The following YPEL1 variants were observed in gnomAD, a reference collection of about 807,000 sequenced individuals.
YPEL1 encodes the protein yippee like 1, also known as protein yippee-like 1.
Under a neutral mutation model 17.3 loss-of-function variants are expected in YPEL1, and 7 were observed. The observed-to-expected ratio is 0.40, with a 90% confidence interval of 0.23 to 0.76. The LOEUF (loss-of-function observed/expected upper bound fraction) is 0.76. Among genes scored for constraint, YPEL1 ranks in the 30% least tolerant of loss-of-function variants. YPEL1 has a pLI of 0.35. For synonymous variants in YPEL1, 59 were observed against 59.6 expected (o/e 0.99, Z 0.05); for missense variants, 91 against 155.5 (o/e 0.59, Z 2.21).
intron 1 of YPEL1, among the ~76,000 whole-genome samples, chr22:21,720,364 C>T (rs2068269371): frequency 6.6e-6 from 1 of 151,828 alleles, no homozygotes; most frequent in Non-Finnish European, 1.5e-5. Flanking sequence ...GCCACCACGC[C>T]TGGCTAATTT....
chr22:21,721,470 C>T (rs1462111206), intron 1 of YPEL1, among the ~76,000 whole-genome samples: 1 of 150,656 alleles, frequency 6.6e-6, no homozygotes, highest in Non-Finnish European at 1.5e-5. Context: ...GTCACTCAGG[C>T]TGGAGTACAG....
chr22:21,711,001 G>A (rs2845458), intron 1 of YPEL1, 93 bp from the exon 2 acceptor site: 62,853 of 423,030 alleles, frequency 0.15, 5,420 homozygotes, highest in Non-Finnish European at 0.17. Context: ...AGCAACACGC[G>A]GGGTGGGGGG....
chr22:21,723,900 C>T (rs953067990), intron 1 of YPEL1, among the ~76,000 whole-genome samples: 2 of 152,026 alleles, frequency 1.3e-5, no homozygotes, highest in Non-Finnish European at 2.9e-5. Flanking sequence ...CTCCTGACCT[C>T]AGGTGATCCA....
At chr22:21,722,930 A>G (rs988920856) in intron 1 of YPEL1, 1 of 143,926 alleles carries the variant, frequency 6.9e-6, no homozygotes, top group African/African-American at 2.6e-5. Flanking sequence ...TGCAGTGGCT[A>G]TTTACAGGCA....
At position 21,735,736 on chromosome 22, in the gene YPEL1, A is replaced by T. The variant is rs2068431076; in HGVS notation, c.-286T>A. 2 of 150,692 alleles carry T rather than the reference A, an allele frequency of 1.3e-5. No individual in the cohort carries two copies. 9.3% of individuals were successfully genotyped at this position (150,692 alleles called of 1,614,324 possible). A position where few individuals can be genotyped will look rare whatever the true frequency, so the allele number is the denominator to read the frequency against. ...GGACGCGCTGAGGCCGTTAACGCCT[A>T]GGCAGGGCGCGAGGCATCCTCCCGC... On this transcript the variant is annotated 5_prime_UTR_variant, in exon 1 of 5. Transcript: ENST00000339468.
chr22:21,711,010 G>A, intron 1 of YPEL1, 102 bp from the exon 2 acceptor site: 1 of 403,742 alleles, frequency 2.5e-6, no homozygotes. Context: ...CGGGGTGGGG[G>A]GGTGGCAGGA....
At chr22:21,720,767 A>C (rs2068273398) in intron 1 of YPEL1, among the ~76,000 whole-genome samples, 1 of 149,616 alleles carries the variant, frequency 6.7e-6, no homozygotes, top group Non-Finnish European at 1.5e-5. Context: ...ACGGCTTCCC[A>C]AAGTGCTGGG....
At chr22:21,710,261 A>T (rs73384115) in intron 2 of YPEL1, among the ~76,000 whole-genome samples, 2,284 of 152,260 alleles carry the variant, frequency 0.015, 22 homozygotes, top group South Asian at 0.037. Context: ...CTGAGTTTTT[A>T]AAATGTCTTA....
intron 1 of YPEL1, among the ~76,000 whole-genome samples, chr22:21,716,845 G>A (rs1421741262): frequency 6.6e-6 from 1 of 152,206 alleles, no homozygotes; most frequent in African/African-American, 2.4e-5. Context: ...TCAAAGACCT[G>A]AGGCAGACCA....
intron 2 of YPEL1, among the ~76,000 whole-genome samples, chr22:21,706,389 C>A (rs921485229): frequency 3.3e-5 from 5 of 149,484 alleles, no homozygotes; most frequent in Non-Finnish European, 5.9e-5. Context: ...GAGCCGAGAT[C>A]GCGCCACTGC....
At chr22:21,704,691 G>C (rs1391280993) in intron 2 of YPEL1, among the ~76,000 whole-genome samples, 1 of 144,062 alleles carries the variant, frequency 6.9e-6, no homozygotes, top group Non-Finnish European at 1.5e-5. Flanking sequence ...CATAGCACAA[G>C]ATGGCCTTTC....
At chr22:21,713,083 C>T (rs540698543) in intron 1 of YPEL1, among the ~76,000 whole-genome samples, 11 of 152,142 alleles carry the variant, frequency 7.2e-5, no homozygotes, top group Non-Finnish European at 1.0e-4. Flanking sequence ...CCCTCTAGGA[C>T]GGCTACTATC....
chr22:21,718,128 C>A (rs78519006), intron 1 of YPEL1, among the ~76,000 whole-genome samples: 233 of 130,330 alleles, frequency 1.8e-3, no homozygotes, highest in South Asian at 2.7e-3. Context: ...GACTCTGTCT[C>A]AAAAAAAAAA....
intron 2 of YPEL1, among the ~76,000 whole-genome samples, chr22:21,705,332 G>GT (rs2068105130): frequency 1.3e-5 from 2 of 152,168 alleles, no homozygotes; most frequent in East Asian, 3.9e-4. Flanking sequence ...AGGTGAGCTG[G>GT]TAAGAGATGC....
chr22:21,734,176 T>TGCCACTGCACTCCATCCTGA (rs1380697288), intron 1 of YPEL1, among the ~76,000 whole-genome samples: 2 of 152,184 alleles, frequency 1.3e-5, no homozygotes, highest in African/African-American at 4.8e-5. Flanking sequence ...GTCGTGTTTG[T>TGCCACTGCACTCCATCCTGA]GCCACTGCAC....
At chr22:21,723,692 T>TAA (rs1281305780) in intron 1 of YPEL1, among the ~76,000 whole-genome samples, 1 of 148,926 alleles carries the variant, frequency 6.7e-6, no homozygotes, top group Non-Finnish European at 1.5e-5. Flanking sequence ...TTTAATTAAT[T>TAA]TTTTTTTTTT....
At chr22:21,731,963 C>T (rs922749983) in intron 1 of YPEL1, among the ~76,000 whole-genome samples, 2 of 152,180 alleles carry the variant, frequency 1.3e-5, no homozygotes, top group Admixed American at 6.5e-5. Context: ...TCAGCAAGCA[C>T]CTCACAAGCC....
At chr22:21,724,945 C>T (rs1368571542) in intron 1 of YPEL1, among the ~76,000 whole-genome samples, 2 of 147,684 alleles carry the variant, frequency 1.4e-5, no homozygotes, top group African/African-American at 5.0e-5. Flanking sequence ...TTCGCTCTTT[C>T]CGCCCAGGCT....
rs1206261013 is a variant in YPEL1, at chr22:21,698,902, A to C, written c.*2227T>G. 1 of 152,474 alleles carries C rather than the reference A, an allele frequency of 6.6e-6. No individual in the cohort carries two copies. The highest frequency in any genetic ancestry group is 1.5e-5 in the Non-Finnish European group (1 of 68,110). The allele number at this position is 152,474 out of a possible 1,614,324, so 9.4% of individuals were successfully genotyped here. Reference sequence around the variant, plus strand: ...CAGGGATAAAGCAGCTTGCAGGGCCATAGCCGGATGTGGAGGCTTCCAAGA... The same window carrying C: ...CAGGGATAAAGCAGCTTGCAGGGCCCTAGCCGGATGTGGAGGCTTCCAAGA... On this transcript the variant is annotated 3_prime_UTR_variant, in exon 5 of 5. Coordinates refer to ENST00000339468, the MANE Select transcript of YPEL1 (RefSeq NM_013313.5).
Sources: gnomAD v4.1 joint callset for allele counts (sites outside exome capture counted in the v4.1 genomes callset) on GRCh38, gnomAD v4.1.1 for gene constraint, MANE v1.5 for transcripts, NCBI Gene and HGNC (gene_info 2026-07-23, HGNC 2026-07-21) for gene names.